The following PDE11A variants were observed in gnomAD, a reference collection of about 807,000 sequenced individuals.
PDE11A encodes phosphodiesterase 11A, also known as dual 3',5'-cyclic-AMP and -GMP phosphodiesterase 11A.
In PDE11A, 100 loss-of-function variants were observed where a neutral mutation model predicts 100.5. The ratio of observed to expected loss-of-function variants is 1.00; its 90% CI spans 0.85 to 1.18. The LOEUF (loss-of-function observed/expected upper bound fraction) is 1.18. Among genes scored for constraint, PDE11A ranks in the 50% most tolerant of loss-of-function variants. The pLI, the probability that PDE11A is intolerant of heterozygous loss-of-function variation, is 0.00. For missense variants in PDE11A, 1,141 were observed against 1,152.6 expected, an observed-to-expected ratio of 0.99 and a Z score of 0.15; for synonymous variants, 381 against 420.8, an observed-to-expected ratio of 0.91 and a Z score of 1.16.
chr2:177,684,328 A>C (rs1295263969), intron 15 of PDE11A, among the ~76,000 whole-genome samples: 2 of 152,228 alleles, frequency 1.3e-5, no homozygotes, highest in Non-Finnish European at 2.9e-5. Flanking sequence ...TGAGAGAGGC[A>C]CTCACCTGGG....
At chr2:177,983,538 G>T (rs1478898961) in intron 2 of PDE11A, among the ~76,000 whole-genome samples, 11 of 152,158 alleles carry the variant, frequency 7.2e-5, no homozygotes, top group Non-Finnish European at 1.6e-4. Context: ...TGAAAATAAA[G>T]CAGCTATAAT....
At chr2:178,082,124 C>G (rs567196565) in intron 2 of PDE11A, among the ~76,000 whole-genome samples, 33 of 152,236 alleles carry the variant, frequency 2.2e-4, no homozygotes, top group African/African-American at 7.7e-4. Context: ...GAGCAAGATG[C>G]CTCAGTTTCT....
chr2:177,861,724 TAC>T (rs1248709723), intron 5 of PDE11A, among the ~76,000 whole-genome samples: 1 of 151,934 alleles, frequency 6.6e-6, no homozygotes, highest in Non-Finnish European at 1.5e-5. Context: ...CATGAAGACA[TAC>T]AGATTAATGG....
chr2:177,727,834 G>T, intron 11 of PDE11A, 69 bp from the exon 12 acceptor site: 1 of 1,028,842 alleles, frequency 9.7e-7, no homozygotes, highest in Non-Finnish European at 1.5e-6. Flanking sequence ...TCTCAATGGT[G>T]CCTTATATCT....
At chr2:178,062,043 T>A (rs1350159315) in intron 1 of PDE11A, among the ~76,000 whole-genome samples, 5 of 152,222 alleles carry the variant, frequency 3.3e-5, no homozygotes, top group Admixed American at 2.0e-4. Flanking sequence ...ACAGCAGGCA[T>A]GAGTAAAAGA....
intron 9 of PDE11A, among the ~76,000 whole-genome samples, chr2:177,796,811 T>C (rs1439914165): frequency 1.3e-5 from 2 of 152,206 alleles, no homozygotes; most frequent in South Asian, 2.1e-4. Flanking sequence ...AGAAAGCTGT[T>C]CTCTTTCGCA....
chr2:177,890,165 T>G, intron 4 of PDE11A, among the ~76,000 whole-genome samples: 1 of 152,240 alleles, frequency 6.6e-6, no homozygotes, highest in Non-Finnish European at 1.5e-5. Flanking sequence ...GATATTTTTG[T>G]GTAATGAATT....
chr2:177,772,713 T>TAAAAAA (rs58575142), intron 9 of PDE11A, among the ~76,000 whole-genome samples: 64 of 141,526 alleles, frequency 4.5e-4, no homozygotes, highest in African/African-American at 1.6e-3. Context: ...TTCCTTTATT[T>TAAAAAA]AAAAAAAAAA....
chr2:177,739,174 T>C (rs149357147), intron 10 of PDE11A, among the ~76,000 whole-genome samples: 1 of 152,300 alleles, frequency 6.6e-6, no homozygotes, highest in African/African-American at 2.4e-5. Context: ...CTTCCTGTTT[T>C]TATCGTTTTG....
At chr2:177,890,487 A>G (rs2084512677) in intron 4 of PDE11A, among the ~76,000 whole-genome samples, 1 of 152,206 alleles carries the variant, frequency 6.6e-6, no homozygotes, top group Admixed American at 6.5e-5. Flanking sequence ...TTTATTAAAT[A>G]CTTCATCTTA....
At chr2:177,864,179 A>T (rs1457093533) in intron 5 of PDE11A, among the ~76,000 whole-genome samples, 1 of 152,140 alleles carries the variant, frequency 6.6e-6, no homozygotes, top group Admixed American at 6.6e-5. Flanking sequence ...ACAAAACAGT[A>T]GTTACTAGGG....
chr2:177,941,584 C>T (rs975742163), intron 2 of PDE11A, among the ~76,000 whole-genome samples: 5 of 152,182 alleles, frequency 3.3e-5, no homozygotes, highest in African/African-American at 1.2e-4. Flanking sequence ...ATCTGGAATA[C>T]AGAATGCTTC....
At chr2:177,832,402 G>A (rs944158297) in intron 6 of PDE11A, among the ~76,000 whole-genome samples, 9 of 152,168 alleles carry the variant, frequency 5.9e-5, no homozygotes, top group Admixed American at 2.0e-4. Context: ...TTCAGCCTAC[G>A]TCTTTCTCTT....
chr2:177,665,522 T>C (rs932205996), intron 18 of PDE11A, among the ~76,000 whole-genome samples: 56 of 147,682 alleles, frequency 3.8e-4, no homozygotes, highest in African/African-American at 1.3e-3. Flanking sequence ...TAAAATAAAA[T>C]AAAAATAAAG....
chr2:177,794,936 C>T (rs2082684885), intron 9 of PDE11A, among the ~76,000 whole-genome samples: 1 of 152,086 alleles, frequency 6.6e-6, no homozygotes, highest in African/African-American at 2.4e-5. Flanking sequence ...CAGGTGCCCA[C>T]CACCATGCCC....
At chr2:177,875,814 A>C in intron 5 of PDE11A, 45 bp downstream of exon 5, 1 of 1,266,334 alleles carries the variant, frequency 7.9e-7, no homozygotes, top group Non-Finnish European at 1.2e-6. Flanking sequence ...GCTAACACCA[A>C]GGACAAAAGA....
intron 10 of PDE11A, among the ~76,000 whole-genome samples, chr2:177,734,817 C>T (rs2081749592): frequency 6.6e-6 from 1 of 152,106 alleles, no homozygotes; most frequent in Non-Finnish European, 1.5e-5. Flanking sequence ...GGCATGATGG[C>T]GCTTGATGTT....
chr2:177,669,665 C>T lies in PDE11A; in HGVS notation c.2488-98G>A, dbSNP rs541152079. The T allele has an allele frequency of 6.4e-5, 48 of 753,526 alleles. No individual in the cohort carries two copies. In the African/African-American group the frequency reaches 7.0e-4, roughly 11 times the overall value. 46.7% of individuals were successfully genotyped at this position (753,526 alleles called of 1,614,324 possible). ...ATGTATTTGGTGATCCTCATCAACA[C>T]AATCATTTAAAAAGCTTATGAGGAA... On this transcript the variant is annotated intron_variant, in intron 17 of 19. Transcript: ENST00000286063.
chr2:177,925,780 T>C (rs956712381), intron 2 of PDE11A, among the ~76,000 whole-genome samples: 15 of 152,350 alleles, frequency 9.8e-5, no homozygotes, highest in African/African-American at 3.6e-4. Context: ...CAATCTTCCC[T>C]ATTCTTTGAA....
Sources: allele counts gnomAD v4.1 joint callset (sites outside exome capture counted in the v4.1 genomes callset), GRCh38; gene constraint gnomAD v4.1.1; transcripts MANE v1.5; gene names NCBI Gene and HGNC (gene_info 2026-07-23, HGNC 2026-07-21).